The following COL4A5 variants were observed in gnomAD, a reference collection of about 807,000 sequenced individuals.
COL4A5 encodes collagen alpha-5(IV) chain.
Under a neutral mutation model 130.2 loss-of-function variants are expected in COL4A5, and 26 were observed. The observed-to-expected ratio is 0.20, with a 90% CI of 0.15 to 0.28. The LOEUF (loss-of-function observed/expected upper bound fraction) is 0.28. Ranked by LOEUF, COL4A5 falls within the 10% of genes least tolerant of loss-of-function variation. The probability of loss-of-function intolerance (pLI) is 1.00; values close to 1 mark genes in which losing one functional copy is unlikely to be tolerated. For missense variants in COL4A5, 1,131 were observed against 1,344.3 expected, an observed-to-expected ratio of 0.84 and a Z score of 2.48; for synonymous variants, 496 against 439.6, an observed-to-expected ratio of 1.13 and a Z score of -1.60.
rs376729613 is a variant in COL4A5 at position 108,661,810 on chromosome X, A to G, written c.3374-3697A>G. Among the ~76,000 whole-genome samples, 66 of 111,404 alleles carry G rather than the reference A, an allele frequency of 5.9e-4. 1 individual carries two copies. Among genetic ancestry groups the G allele is most frequent in the African/African-American group, 2.1e-3 (63 of 30,708 alleles). ...TTTTGTTATAGCAGGGCTATTTCCA[A>G]TGCCCTTTGTCTTACGTGTATCCCT... On this transcript the variant is annotated intron_variant, in intron 37 of 52. Transcript: ENST00000328300.
chrX:108,632,675 A>G (rs1389550828), intron 36 of COL4A5, among the ~76,000 whole-genome samples: 1 of 111,670 alleles, frequency 9.0e-6, no homozygotes, highest in African/African-American at 3.3e-5. Context: ...GGCTGGTTCA[A>G]CATATGCAAA....
chrX:108,495,239 A>G (rs1359199482), intron 1 of COL4A5, among the ~76,000 whole-genome samples: 1 of 111,420 alleles, frequency 9.0e-6, no homozygotes, highest in Non-Finnish European at 1.9e-5. Context: ...CATGGGTTTA[A>G]ATATAAAAAG....
At chrX:108,520,483 G>A (rs1485690037) in intron 1 of COL4A5, among the ~76,000 whole-genome samples, 1 of 111,062 alleles carries the variant, frequency 9.0e-6, no homozygotes, top group Non-Finnish European at 1.9e-5. Flanking sequence ...AGCCATTAGA[G>A]GTCTGTTTAA....
intron 49 of COL4A5, among the ~76,000 whole-genome samples, chrX:108,690,299 CTG>C (rs1357842990): frequency 8.9e-6 from 1 of 111,871 alleles, no homozygotes; most frequent in African/African-American, 3.2e-5. Context: ...TCTTACATGA[CTG>C]TGAGTCAGTC....
intron 1 of COL4A5, among the ~76,000 whole-genome samples, chrX:108,463,215 T>G (rs976327597): frequency 1.8e-5 from 2 of 112,255 alleles, no homozygotes; most frequent in Non-Finnish European, 3.8e-5. Context: ...TTCAGAATAT[T>G]AAAGCTTTGT....
intron 1 of COL4A5, among the ~76,000 whole-genome samples, chrX:108,453,351 G>T (rs1018716470): frequency 2.6e-4 from 29 of 111,734 alleles, no homozygotes; most frequent in African/African-American, 6.5e-4. Flanking sequence ...TCCAACAGAA[G>T]AAATGCAGAA....
intron 1 of COL4A5, among the ~76,000 whole-genome samples, chrX:108,448,993 T>G (rs2064480395): frequency 8.9e-6 from 1 of 112,003 alleles, no homozygotes. Context: ...CATGTGTATC[T>G]CTTTTTACTA....
chrX:108,682,006 A>G lies in COL4A5; in HGVS notation c.4216+118A>G, dbSNP rs1037014983. ...CTTGCCATGGTGGTTTGCTGCACCT[A>G]TCAACCCATCATCTACGTTAGATAT... On this transcript the variant is annotated intron_variant, in intron 47 of 52. Transcript: ENST00000328300. 19 of 665,095 alleles carry G rather than the reference A, an allele frequency of 2.9e-5. No homozygotes were observed. The African/African-American group carries it at 4.1e-4, about 15-fold the overall frequency. 54.8% of individuals were successfully genotyped at this position (665,095 alleles called of 1,213,427 possible).
At chrX:108,660,819 G>A (rs887150590) in intron 37 of COL4A5, among the ~76,000 whole-genome samples, 2 of 110,966 alleles carry the variant, frequency 1.8e-5, no homozygotes, top group Non-Finnish European at 3.8e-5. Context: ...ATATATAGTC[G>A]TGTGTCACAT....
In COL4A5 at chrX:108,471,970, G is replaced by A. The variant is rs374967833; in HGVS notation, c.81+31764G>A. Among the ~76,000 whole-genome samples, 119 of 110,844 alleles carry A rather than the reference G, an allele frequency of 1.1e-3. 4 individuals carry two copies. In the East Asian group the frequency reaches 0.032, roughly 29 times the overall value. On this transcript the variant is annotated intron_variant, in intron 1 of 52. Coordinates refer to ENST00000328300, the MANE Select transcript of COL4A5 (RefSeq NM_033380.3). Reference sequence around the variant, plus strand: ...TTTCTCATCTTTTAATGTAAGCATCGACTACTATAAATTTTCCTCGTTACA... The same window carrying A: ...TTTCTCATCTTTTAATGTAAGCATCAACTACTATAAATTTTCCTCGTTACA...
At chrX:108,694,721 A>T in intron 50 of COL4A5, 86 bp from the exon 51 acceptor site, 3 of 720,047 alleles carry the variant, frequency 4.2e-6, no homozygotes, top group South Asian at 4.3e-5. Flanking sequence ...CGGCTTCCAT[A>T]CTAAGAAGGC....
At position 108,687,489 on chromosome X, in the gene COL4A5, T is replaced by C; in HGVS notation, c.4323T>C (p.Arg1441=). ...DPGLPGQPGT[R]GLDGPPGPDG... Reference sequence around the variant, plus strand: ...ATTATTTCGTGGAAATAGGTACCCGTGGTTTGGATGGTCCCCCTGGTCCAG... The same window carrying C: ...ATTATTTCGTGGAAATAGGTACCCGCGGTTTGGATGGTCCCCCTGGTCCAG... The change falls in exon 49 of 53, where the codon CGT becomes CGC. Residue 1441 remains arginine, a synonymous_variant. Transcript: ENST00000328300. The C allele has an allele frequency of 8.3e-7, 1 of 1,210,128 alleles. No homozygotes were observed. Among genetic ancestry groups the C allele is most frequent in the Non-Finnish European group, 1.1e-6 (1 of 894,159 alleles).
chrX:108,567,869 T>C (rs2065998308), intron 4 of COL4A5, among the ~76,000 whole-genome samples: 1 of 112,074 alleles, frequency 8.9e-6, no homozygotes. Flanking sequence ...GTGGGAATTA[T>C]GGGAGCTACA....
intron 2 of COL4A5, among the ~76,000 whole-genome samples, chrX:108,553,675 AT>A (rs1375392638): frequency 8.9e-6 from 1 of 112,205 alleles, no homozygotes; most frequent in Non-Finnish European, 1.9e-5. Flanking sequence ...CAGTTTGGCA[AT>A]TTCATAAAAT....
intron 37 of COL4A5, among the ~76,000 whole-genome samples, chrX:108,655,703 T>C (rs890480888): frequency 2.9e-4 from 33 of 112,741 alleles, no homozygotes; most frequent in African/African-American, 1.0e-3. Flanking sequence ...TGGTGGAGCA[T>C]TTTTCAATCT....
chrX:108,523,738 AT>A (rs906250371), intron 1 of COL4A5, among the ~76,000 whole-genome samples: 9 of 111,748 alleles, frequency 8.1e-5, no homozygotes, highest in African/African-American at 2.9e-4. Context: ...ACATGGGATA[AT>A]TTTTTATTTA....
intron 1 of COL4A5, among the ~76,000 whole-genome samples, chrX:108,506,264 C>A (rs777210306): frequency 9.0e-6 from 1 of 111,309 alleles, no homozygotes; most frequent in South Asian, 3.9e-4. Flanking sequence ...TATCTCAATA[C>A]CACAGTCTTG....
intron 1 of COL4A5, among the ~76,000 whole-genome samples, chrX:108,537,143 A>T (rs1011257381): frequency 2.7e-5 from 3 of 111,063 alleles, no homozygotes; most frequent in Non-Finnish European, 5.7e-5. Context: ...TAAAAAAACA[A>T]ATTGTTCCAT....
intron 36 of COL4A5, among the ~76,000 whole-genome samples, chrX:108,628,845 A>G (rs1204079026): frequency 8.9e-6 from 1 of 111,813 alleles, no homozygotes; most frequent in Admixed American, 9.6e-5. Context: ...GGTGCTGGAG[A>G]TACAGCCTGA....
Sources: gnomAD v4.1 joint callset for allele counts (sites outside exome capture counted in the v4.1 genomes callset) on GRCh38, gnomAD v4.1.1 for gene constraint, MANE v1.5 for transcripts, NCBI Gene and HGNC (gene_info 2026-07-23, HGNC 2026-07-21) for gene names.